HS6ST3: variants seen among roughly 807,000 people sequenced by gnomAD.
The protein encoded by HS6ST3 is heparan sulfate 6-O-sulfotransferase 3, also known as heparan-sulfate 6-O-sulfotransferase 3.
A neutral mutation model predicts 36.7 loss-of-function variants in HS6ST3; 12 were observed. That is an observed-to-expected ratio of 0.33 (90% CI 0.21 to 0.53). The LOEUF (loss-of-function observed/expected upper bound fraction) is 0.53. HS6ST3 is among the 20% of genes least tolerant of loss of function. The probability of loss-of-function intolerance (pLI) is 0.95; values close to 1 mark genes in which losing one functional copy is unlikely to be tolerated. For missense variants in HS6ST3, 584 were observed against 640.9 expected (o/e 0.91, Z 0.96); for synonymous variants, 240 against 257.5 (o/e 0.93, Z 0.65).
chr13:96,385,069 C>T (rs2055360728), intron 1 of HS6ST3, among the ~76,000 whole-genome samples: 1 of 151,362 alleles, frequency 6.6e-6, no homozygotes, highest in Non-Finnish European at 1.5e-5. Flanking sequence ...ATCCCAGCTA[C>T]TCAGGAGGGT....
At chr13:96,548,467 T>C (rs2056205915) in intron 1 of HS6ST3, among the ~76,000 whole-genome samples, 1 of 152,346 alleles carries the variant, frequency 6.6e-6, no homozygotes, top group East Asian at 1.9e-4. Flanking sequence ...ACTTTTCCTG[T>C]TTTCTCATAC....
intron 1 of HS6ST3, among the ~76,000 whole-genome samples, chr13:96,093,281 G>T (rs548377418): frequency 2.2e-4 from 33 of 152,298 alleles, no homozygotes; most frequent in Non-Finnish European, 4.0e-4. Flanking sequence ...AGATTTTAAA[G>T]GACTTAGAGG....
chr13:96,700,021 T>A (rs1429484874), intron 1 of HS6ST3, among the ~76,000 whole-genome samples: 1 of 152,210 alleles, frequency 6.6e-6, no homozygotes, highest in East Asian at 1.9e-4. Context: ...GACAATAGCT[T>A]TCCTGAATCC....
At chr13:96,425,979 A>G (rs1210099976) in intron 1 of HS6ST3, among the ~76,000 whole-genome samples, 3 of 152,002 alleles carry the variant, frequency 2.0e-5, no homozygotes, top group African/African-American at 7.3e-5. Context: ...TTCAAAGGAT[A>G]GAGAAAAACA....
At chr13:96,403,331 A>C (rs2139458483) in intron 1 of HS6ST3, among the ~76,000 whole-genome samples, 1 of 152,290 alleles carries the variant, frequency 6.6e-6, no homozygotes, top group Non-Finnish European at 1.5e-5. Flanking sequence ...TCCATTTGTC[A>C]CTGGAAGGAA....
chr13:96,195,336 G>C (rs1348805542), intron 1 of HS6ST3, among the ~76,000 whole-genome samples: 2 of 152,160 alleles, frequency 1.3e-5, no homozygotes, highest in East Asian at 3.8e-4. Flanking sequence ...GCTTTTGCTT[G>C]ATAAAAGGAA....
intron 1 of HS6ST3, among the ~76,000 whole-genome samples, chr13:96,122,541 A>C (rs1398040603): frequency 6.6e-6 from 1 of 152,224 alleles, no homozygotes; most frequent in Non-Finnish European, 1.5e-5. Flanking sequence ...ACTACCAGAG[A>C]TCACTGAACA....
At chr13:96,764,154 T>C (rs1342485209) in intron 1 of HS6ST3, among the ~76,000 whole-genome samples, 1 of 152,234 alleles carries the variant, frequency 6.6e-6, no homozygotes. Context: ...GCCTTTTCTA[T>C]TGAGTACATG....
At chr13:96,771,740 C>T (rs1158465980) in intron 1 of HS6ST3, among the ~76,000 whole-genome samples, 2 of 152,098 alleles carry the variant, frequency 1.3e-5, no homozygotes, top group Non-Finnish European at 2.9e-5. Flanking sequence ...GACATGACTG[C>T]TTTTGATACT....
intron 1 of HS6ST3, among the ~76,000 whole-genome samples, chr13:96,603,568 GTA>G (rs1459372994): frequency 2.6e-5 from 4 of 152,040 alleles, no homozygotes; most frequent in African/African-American, 9.7e-5. Context: ...TTTCTGTGGG[GTA>G]TATACCTAAA....
intron 1 of HS6ST3, among the ~76,000 whole-genome samples, chr13:96,378,565 T>C (rs1346561933): frequency 6.6e-6 from 1 of 152,194 alleles, no homozygotes; most frequent in African/African-American, 2.4e-5. Context: ...TTATGTTCAT[T>C]TATTTCTTCA....
At chr13:96,278,675 CTT>C in intron 1 of HS6ST3, among the ~76,000 whole-genome samples, 1 of 152,184 alleles carries the variant, frequency 6.6e-6, no homozygotes, top group East Asian at 1.9e-4. Context: ...TTGATCAAGT[CTT>C]ATAATTAATC....
chr13:96,219,665 A>G (rs559132976), intron 1 of HS6ST3, among the ~76,000 whole-genome samples: 155 of 151,920 alleles, frequency 1.0e-3, no homozygotes, highest in Non-Finnish European at 1.8e-3. Context: ...CTGAACTCAC[A>G]TAACCACAGG....
intron 1 of HS6ST3, among the ~76,000 whole-genome samples, chr13:96,455,845 T>C (rs1271336398): frequency 6.6e-6 from 1 of 152,196 alleles, no homozygotes; most frequent in Non-Finnish European, 1.5e-5. Flanking sequence ...GCTGGCTCTA[T>C]AATGGAAACA....
chr13:96,112,578 A>ATAT (rs879788192), intron 1 of HS6ST3, among the ~76,000 whole-genome samples: 2 of 81,224 alleles, frequency 2.5e-5, no homozygotes, highest in East Asian at 4.1e-4. Flanking sequence ...AAAATAAATA[A>ATAT]ATATATATAT....
intron 1 of HS6ST3, among the ~76,000 whole-genome samples, chr13:96,319,461 G>A (rs1051290307): frequency 3.3e-5 from 5 of 152,132 alleles, no homozygotes; most frequent in Non-Finnish European, 7.4e-5. Context: ...AAACATTCAT[G>A]TATGAGTCTT....
intron 1 of HS6ST3, among the ~76,000 whole-genome samples, chr13:96,700,589 G>A (rs1036331666): frequency 6.6e-6 from 1 of 152,050 alleles, no homozygotes; most frequent in African/African-American, 2.4e-5. Flanking sequence ...TGAAATTTTT[G>A]TGGATGATTT....
At position 96,737,821 on chromosome 13, in the gene HS6ST3, A is replaced by G. The variant is rs190441106; in HGVS notation, c.708-94669A>G. Among the ~76,000 whole-genome samples the G allele has an allele frequency of 5.3e-3, 814 of 152,160 alleles. 7 individuals carry two copies. The highest frequency in any genetic ancestry group is 9.1e-3 in the Non-Finnish European group (617 of 67,988). On this transcript the variant is annotated intron_variant, in intron 1 of 1. Coordinates refer to ENST00000376705, the MANE Select transcript of HS6ST3 (RefSeq NM_153456.4). ...TTATTTTCTTGCCTTTCCAGGTTCT[A>G]GAGGCCTTCACTTTTGGCTCTGACC...
chr13:96,143,783 T>G (rs745553427), intron 1 of HS6ST3, among the ~76,000 whole-genome samples: 1 of 152,142 alleles, frequency 6.6e-6, no homozygotes, highest in South Asian at 2.1e-4. Context: ...CTTTTCTTTC[T>G]CTGGCTACTG....
Sources: gnomAD v4.1 joint callset for allele counts (sites outside exome capture counted in the v4.1 genomes callset) on GRCh38, gnomAD v4.1.1 for gene constraint, MANE v1.5 for transcripts, NCBI Gene and HGNC (gene_info 2026-07-23, HGNC 2026-07-21) for gene names.